The following SCAPER variants were observed in gnomAD, a reference collection of about 807,000 sequenced individuals.
SCAPER encodes the protein S-phase cyclin A associated protein in the ER.
Under a neutral mutation model 182.2 loss-of-function variants are expected in SCAPER, and 98 were observed. That is an observed-to-expected ratio of 0.54 (90% CI 0.46 to 0.64). SCAPER has a LOEUF of 0.64. Ranked by LOEUF, SCAPER falls within the 30% of genes least tolerant of loss-of-function variation. The pLI is 0.00. For missense variants in SCAPER, 1,432 were observed against 1,690.0 expected, an observed-to-expected ratio of 0.85 and a Z score of 2.68; for synonymous variants, 605 against 564.6, an observed-to-expected ratio of 1.07 and a Z score of -1.01.
Position 76,804,565 on chromosome 15 carries a change from C to T in SCAPER, c.462G>A (p.Gln154=). 6.2e-7 allele frequency: 1 copy of T among 1,611,526 alleles called. No homozygotes were observed. The highest frequency in any genetic ancestry group is 8.5e-7 in the Non-Finnish European group (1 of 1,179,144). The change falls in exon 6 of 32, where the codon CAG becomes CAA. Residue 154 remains glutamine, a synonymous_variant. Coordinates refer to ENST00000563290, the MANE Select transcript of SCAPER (RefSeq NM_020843.4). The part of the protein sequence containing the change: ...FKALIDWIQL[Q]EKLEKTDAQS... ...GAGCATCTGTCTTCTCTAGCTTTTC[C>T]TGAAGCTGAATCCAGTCAATCAATG...
At chr15:76,816,471 C>T (rs2067090941) in intron 5 of SCAPER, among the ~76,000 whole-genome samples, 1 of 152,120 alleles carries the variant, frequency 6.6e-6, no homozygotes, top group South Asian at 2.1e-4. Flanking sequence ...ACTGCAAGGT[C>T]TTCAAGAGCA....
At chr15:76,585,496 C>T (rs2048581604) in intron 22 of SCAPER, among the ~76,000 whole-genome samples, 2 of 152,028 alleles carry the variant, frequency 1.3e-5, no homozygotes, top group African/African-American at 2.4e-5. Flanking sequence ...CTAATGTCTG[C>T]ATACCATGTA....
intron 23 of SCAPER, among the ~76,000 whole-genome samples, chr15:76,542,663 C>T (rs1457784116): frequency 6.6e-6 from 1 of 151,900 alleles, no homozygotes; most frequent in Non-Finnish European, 1.5e-5. Flanking sequence ...GTAGGTACAG[C>T]TTAGCTTATT....
intron 22 of SCAPER, chr15:76,577,047 G>C (rs2047882093): frequency 6.6e-6 from 1 of 152,246 alleles, no homozygotes; most frequent in Admixed American, 6.5e-5. Context: ...AGACCAGCCA[G>C]GGCAGCCAAG....
chr15:76,617,577 A>G (rs1433047139), intron 22 of SCAPER, among the ~76,000 whole-genome samples: 1 of 152,220 alleles, frequency 6.6e-6, no homozygotes, highest in African/African-American at 2.4e-5. Context: ...TAGGGTTTTC[A>G]GAAGGGACAG....
intron 21 of SCAPER, among the ~76,000 whole-genome samples, chr15:76,641,304 C>T (rs1479287571): frequency 6.6e-6 from 1 of 152,186 alleles, no homozygotes; most frequent in Non-Finnish European, 1.5e-5. Context: ...TGTACTTCTG[C>T]ATACAGATGT....
chr15:76,895,378 G>A (rs549998024), intron 1 of SCAPER, among the ~76,000 whole-genome samples: 64 of 152,004 alleles, frequency 4.2e-4, no homozygotes, highest in Middle Eastern at 3.4e-3. Context: ...AAGTAATGTC[G>A]TAATACAGAT....
chr15:76,474,556 G>A (rs2143005959), intron 24 of SCAPER, among the ~76,000 whole-genome samples: 1 of 152,198 alleles, frequency 6.6e-6, no homozygotes, highest in Non-Finnish European at 1.5e-5. Flanking sequence ...TCACGTAATA[G>A]CATCCATTTT....
rs1387778842 is a variant in SCAPER, at chr15:76,804,584, A to C, written c.443T>G (p.Ile148Ser). The C allele has an allele frequency of 6.2e-7, 1 of 1,611,960 alleles. No individual in the cohort carries two copies. The highest frequency in any genetic ancestry group is 1.7e-5 in the Admixed American group (1 of 59,936). ...DNYVRDFKAL[I>S]DWIQLQEKLE... ...CTTTTCCTGAAGCTGAATCCAGTCA[A>C]TCAATGCTTTGAAATCTCTTACATA... The change falls in exon 6 of 32, where the codon ATT becomes AGT. Residue 148 changes from isoleucine to serine, a missense_variant. Coordinates refer to ENST00000563290, the MANE Select transcript of SCAPER (RefSeq NM_020843.4).
intron 26 of SCAPER, among the ~76,000 whole-genome samples, chr15:76,414,845 A>C (rs2045543322): frequency 6.6e-6 from 1 of 152,216 alleles, no homozygotes. Flanking sequence ...AAATATTAAG[A>C]ATATAGAATT....
At chr15:76,713,287 C>A (rs993019056) in intron 17 of SCAPER, among the ~76,000 whole-genome samples, 11 of 151,822 alleles carry the variant, frequency 7.2e-5, no homozygotes, top group Non-Finnish European at 1.6e-4. Flanking sequence ...GAGTATATAC[C>A]CAAAGGACTA....
chr15:76,383,233 A>G (rs1205744203), intron 27 of SCAPER, among the ~76,000 whole-genome samples: 3 of 152,094 alleles, frequency 2.0e-5, no homozygotes, highest in African/African-American at 7.2e-5. Context: ...TTACTTCATT[A>G]TCTTTCCTAG....
At chr15:76,693,182 T>C (rs922432777) in intron 20 of SCAPER, among the ~76,000 whole-genome samples, 1 of 152,126 alleles carries the variant, frequency 6.6e-6, no homozygotes, top group Admixed American at 6.5e-5. Context: ...TTTAGAAATT[T>C]AGGGAAAAAA....
intron 23 of SCAPER, among the ~76,000 whole-genome samples, chr15:76,526,281 A>G (rs2043188222): frequency 6.6e-6 from 1 of 152,124 alleles, no homozygotes; most frequent in African/African-American, 2.4e-5. Flanking sequence ...CTACATGATA[A>G]TTATGCATTT....
chr15:76,699,399 T>C (rs2058813477), intron 20 of SCAPER, among the ~76,000 whole-genome samples: 1 of 152,270 alleles, frequency 6.6e-6, no homozygotes, highest in East Asian at 1.9e-4. Context: ...GGCTGTGGGG[T>C]TGTCATAGAT....
In SCAPER at chr15:76,596,895, G is replaced by A. The variant is rs1417297183; in HGVS notation, c.2712-22611C>T. Among the ~76,000 whole-genome samples the A allele has an allele frequency of 3.3e-5, 4 of 121,722 alleles. 1 individual carries two copies. The highest frequency in any genetic ancestry group is 1.0e-4 in the African/African-American group (4 of 39,810). The allele number at this position is 121,722 out of a possible 152,430, so 79.9% of individuals were successfully genotyped here. On this transcript the variant is annotated intron_variant, in intron 22 of 31. Coordinates refer to ENST00000563290, the MANE Select transcript of SCAPER (RefSeq NM_020843.4). ...GCTGGAAGCATTCCCTCTGAAAACC[G>A]GCAAAGACAAGGATGCCCTCTCTCA...
chr15:76,648,376 G>C (rs1323890793), intron 21 of SCAPER, among the ~76,000 whole-genome samples: 1 of 152,012 alleles, frequency 6.6e-6, no homozygotes, highest in East Asian at 1.9e-4. Context: ...AAAAAAGACT[G>C]ACCTATGGGA....
At chr15:76,589,486 C>T (rs1181432702) in intron 22 of SCAPER, among the ~76,000 whole-genome samples, 1 of 152,128 alleles carries the variant, frequency 6.6e-6, no homozygotes, top group Non-Finnish European at 1.5e-5. Context: ...CAGCCACAAG[C>T]CTTCCCCGGC....
chr15:76,728,216 C>CAA (rs746287649), intron 17 of SCAPER, among the ~76,000 whole-genome samples: 13 of 115,076 alleles, frequency 1.1e-4, no homozygotes, highest in East Asian at 2.6e-4. Context: ...CTATTTCCAT[C>CAA]AAAAAAAAAA....
Sources: allele counts gnomAD v4.1 joint callset (sites outside exome capture counted in the v4.1 genomes callset), GRCh38; gene constraint gnomAD v4.1.1; transcripts MANE v1.5; gene names NCBI Gene and HGNC (gene_info 2026-07-23, HGNC 2026-07-21).